Variants in MINDY4 observed in about 807,000 individuals in gnomAD.
MINDY4 encodes probable ubiquitin carboxyl-terminal hydrolase MINDY-4.
In MINDY4, 68 loss-of-function variants were observed where a neutral mutation model predicts 87.0. The ratio of observed to expected loss-of-function variants is 0.78; its 90% confidence interval spans 0.64 to 0.96. MINDY4 has a LOEUF of 0.96. MINDY4 is among the 40% of genes least tolerant of loss of function. The pLI is 0.00. For synonymous variants in MINDY4, 379 were observed against 363.2 expected (o/e 1.04, Z -0.50); for missense variants, 919 against 928.2 (o/e 0.99, Z 0.13).
intron 1 of MINDY4, among the ~76,000 whole-genome samples, chr7:30,774,994 A>G (rs73297992): frequency 0.011 from 1,612 of 152,172 alleles, 31 homozygotes; most frequent in African/African-American, 0.037. Context: ...ACAACTGCCT[A>G]TTCTACATAT....
chr7:30,821,274 G>A (rs1358248219), intron 5 of MINDY4, among the ~76,000 whole-genome samples: 3 of 152,092 alleles, frequency 2.0e-5, no homozygotes, highest in Non-Finnish European at 4.4e-5. Flanking sequence ...CCTGATATGA[G>A]TCCTTGATCG....
chr7:30,845,868 C>T (rs539618255), intron 9 of MINDY4, among the ~76,000 whole-genome samples: 2 of 152,330 alleles, frequency 1.3e-5, no homozygotes, highest in South Asian at 2.1e-4. Context: ...GGCCGGCAGC[C>T]GGCCTCTCCT....
intron 5 of MINDY4, among the ~76,000 whole-genome samples, chr7:30,826,719 A>G (rs554711394): frequency 1.3e-5 from 2 of 152,268 alleles, no homozygotes; most frequent in South Asian, 4.1e-4. Context: ...CTGCCACGGG[A>G]TAGGGTTACT....
chr7:30,808,730 C>G (rs1049984788), intron 5 of MINDY4, among the ~76,000 whole-genome samples: 1 of 152,166 alleles, frequency 6.6e-6, no homozygotes, highest in African/African-American at 2.4e-5. Context: ...AAAGGTATGG[C>G]ACAAGGTAAC....
At chr7:30,803,786 C>T (rs1309818402) in intron 5 of MINDY4, among the ~76,000 whole-genome samples, 6 of 152,158 alleles carry the variant, frequency 3.9e-5, no homozygotes, top group Non-Finnish European at 7.3e-5. Flanking sequence ...TGTTTTTCTA[C>T]GGCCTGCATT....
At chr7:30,879,432 C>T (rs1400532059) in intron 15 of MINDY4, among the ~76,000 whole-genome samples, 12 of 152,208 alleles carry the variant, frequency 7.9e-5, no homozygotes, top group Admixed American at 7.9e-4. Context: ...CTGAGCCATC[C>T]AGTCCGTGGT....
chr7:30,891,010 T>G (rs1790778746), intron 17 of MINDY4, among the ~76,000 whole-genome samples: 2 of 152,154 alleles, frequency 1.3e-5, no homozygotes, highest in South Asian at 4.2e-4. Context: ...CAGTTAGATT[T>G]TCTTCAGAAT....
intron 5 of MINDY4, among the ~76,000 whole-genome samples, chr7:30,809,078 C>T (rs930808946): frequency 3.3e-5 from 5 of 152,038 alleles, no homozygotes; most frequent in Non-Finnish European, 7.4e-5. Flanking sequence ...ACAGTGTACC[C>T]TATTCCTTTA....
chr7:30,775,009 T>C (rs1786765314), intron 1 of MINDY4, among the ~76,000 whole-genome samples: 1 of 152,190 alleles, frequency 6.6e-6, no homozygotes. Flanking sequence ...ACATATCTAC[T>C]GGGATGTCTA....
intron 6 of MINDY4, among the ~76,000 whole-genome samples, chr7:30,831,689 CT>C (rs1788706874): frequency 6.6e-6 from 1 of 152,118 alleles, no homozygotes; most frequent in South Asian, 2.1e-4. Flanking sequence ...CAGAAGATAT[CT>C]TGTGGTCAGT....
chr7:30,819,769 CTG>C (rs1015826596), intron 5 of MINDY4, among the ~76,000 whole-genome samples: 5 of 151,752 alleles, frequency 3.3e-5, no homozygotes, highest in Non-Finnish European at 7.4e-5. Flanking sequence ...ATCCCAAAAT[CTG>C]TTTTTATCTG....
chr7:30,824,372 C>G (rs780597704), intron 5 of MINDY4, among the ~76,000 whole-genome samples: 2 of 152,200 alleles, frequency 1.3e-5, no homozygotes, highest in Non-Finnish European at 2.9e-5. Context: ...ACTCATGACT[C>G]AATCATCTCC....
chr7:30,858,457 G>A (rs1789646621), intron 12 of MINDY4: 2 of 152,222 alleles, frequency 1.3e-5, no homozygotes, highest in Non-Finnish European at 2.9e-5. Flanking sequence ...GAGTGGCAGA[G>A]CGAGGATTTA....
chr7:30,794,324 A>G (rs1018908535), intron 5 of MINDY4, among the ~76,000 whole-genome samples: 1 of 152,178 alleles, frequency 6.6e-6, no homozygotes, highest in Admixed American at 6.5e-5. Flanking sequence ...ACATGTGCAC[A>G]TATAATTCTT....
At chr7:30,865,032 A>G (rs1789889809) in intron 13 of MINDY4, among the ~76,000 whole-genome samples, 2 of 152,156 alleles carry the variant, frequency 1.3e-5, no homozygotes, top group South Asian at 2.1e-4. Flanking sequence ...GGAGGGGTCC[A>G]TGGGATGCTC....
intron 5 of MINDY4, among the ~76,000 whole-genome samples, chr7:30,821,998 C>T (rs1273318457): frequency 6.6e-6 from 1 of 152,098 alleles, no homozygotes; most frequent in African/African-American, 2.4e-5. Flanking sequence ...CTCATCTCCT[C>T]CTCCCCAATA....
chr7:30,822,991 C>T (rs1464382620), intron 5 of MINDY4, among the ~76,000 whole-genome samples: 2 of 152,012 alleles, frequency 1.3e-5, no homozygotes, highest in Non-Finnish European at 1.5e-5. Flanking sequence ...AGAGAATGGG[C>T]TTGTCCTAAG....
intron 12 of MINDY4, chr7:30,858,722 G>C: frequency 4.6e-6 from 1 of 219,692 alleles, no homozygotes; most frequent in Non-Finnish European, 9.1e-6. Context: ...ACCAGATCCT[G>C]ACTCTGCTCC....
At chr7:30,848,705 C>T (rs141679971) in intron 9 of MINDY4, among the ~76,000 whole-genome samples, 7 of 152,318 alleles carry the variant, frequency 4.6e-5, no homozygotes, top group African/African-American at 1.7e-4. Context: ...CTATTTCCTC[C>T]AAGGAACATG....
Sources: gnomAD v4.1 joint callset for allele counts (sites outside exome capture counted in the v4.1 genomes callset) on GRCh38, gnomAD v4.1.1 for gene constraint, MANE v1.5 for transcripts, NCBI Gene and HGNC (gene_info 2026-07-23, HGNC 2026-07-21) for gene names.